OASL: variants seen among roughly 807,000 people sequenced by gnomAD.
OASL encodes 2'-5'-oligoadenylate synthetase like, also known as 2'-5'-oligoadenylate synthase-like protein.
Under a neutral mutation model 35.3 loss-of-function variants are expected in OASL, and 28 were observed. The observed-to-expected ratio is 0.79, with a 90% CI of 0.59 to 1.09. The LOEUF is 1.09. Ranked by LOEUF, OASL falls within the 50% of genes least tolerant of loss-of-function variation. The pLI is 0.00. For missense variants in OASL, 620 were observed against 635.2 expected (o/e 0.98, Z 0.26); for synonymous variants, 252 against 254.6 (o/e 0.99, Z 0.10).
chr12:121,036,302 G>C (rs115946609), intron 1 of OASL, among the ~76,000 whole-genome samples: 1,727 of 152,268 alleles, frequency 0.011, 45 homozygotes, highest in African/African-American at 0.039. Context: ...CCCTTATGTG[G>C]ACCAGCTCCG....
intron 4 of OASL, among the ~76,000 whole-genome samples, chr12:121,027,198 G>A (rs1869523511): frequency 6.6e-6 from 1 of 152,174 alleles, no homozygotes; most frequent in Non-Finnish European, 1.5e-5. Flanking sequence ...CCTGTCTTAT[G>A]GATAAGGGAT....
At chr12:121,030,154 C>T (rs185307374) in intron 3 of OASL, among the ~76,000 whole-genome samples, 176 of 152,288 alleles carry the variant, frequency 1.2e-3, no homozygotes, top group Non-Finnish European at 1.0e-3. Flanking sequence ...AAATTACAGG[C>T]GTGAGCTACC....
chr12:121,039,159 C>A, exon 1 of OASL: 1 of 599,782 alleles, frequency 1.7e-6, no homozygotes, highest in South Asian at 2.0e-5. Context: ...CTTGGAGACA[C>A]CCTTGCTGCA....
In OASL at chr12:121,031,436, C is replaced by G. The variant is rs541505017; in HGVS notation, c.657+6G>C. The stretch of plus-strand genomic sequence containing the variant: ...CTTGCCCCTGCCATCCTGGCAGCCC[C>G]CTCACCTGCTGGTACCAGTGTTTCA... On this transcript the variant is annotated splice_donor_region_variant and intron_variant, in intron 3 of 5. Coordinates refer to ENST00000257570, the Ensembl canonical transcript of OASL. The G allele has an allele frequency of 6.2e-7, 1 of 1,612,554 alleles. No homozygotes were observed. The highest frequency in any genetic ancestry group is 8.5e-7 in the Non-Finnish European group (1 of 1,179,514).
rs1869219447 is a variant in OASL at position 121,021,141 on chromosome 12, C to A, written c.1048-83G>T. 7 of 1,392,898 alleles carry A rather than the reference C, an allele frequency of 5.0e-6. No individual in the cohort carries two copies. The East Asian group carries it at 1.6e-4, about 33-fold the overall frequency. The allele number at this position is 1,392,898 out of a possible 1,614,324, so 86.3% of individuals were successfully genotyped here. The stretch of plus-strand genomic sequence containing the variant: ...AAATGTTCCCTTCATCTGTCCTTAT[C>A]TTTACAATAGTAGCAGCAGCAGCGG... On this transcript the variant is annotated intron_variant, in intron 5 of 5. Coordinates refer to ENST00000257570, the Ensembl canonical transcript of OASL.
At chr12:121,035,099 C>T (rs1869898129) in intron 1 of OASL, among the ~76,000 whole-genome samples, 1 of 152,028 alleles carries the variant, frequency 6.6e-6, no homozygotes, top group African/African-American at 2.4e-5. Context: ...GGAGTCACTG[C>T]ACAAGAATCA....
chr12:121,027,896 A>G (rs1395122227), intron 3 of OASL, 79 bp from the exon 4 acceptor site: 1 of 1,279,310 alleles, frequency 7.8e-7, no homozygotes, highest in Non-Finnish European at 1.1e-6. Context: ...AGAAGCTGAG[A>G]AATCCAAGTT....
chr12:121,036,589 G>C (rs1338303788), intron 1 of OASL, among the ~76,000 whole-genome samples: 2 of 152,058 alleles, frequency 1.3e-5, no homozygotes, highest in African/African-American at 2.4e-5. Context: ...TTCGAGACCA[G>C]CCTGGCCAAC....
At chr12:121,036,155 GC>G (rs966426122) in intron 1 of OASL, among the ~76,000 whole-genome samples, 1 of 152,192 alleles carries the variant, frequency 6.6e-6, no homozygotes, top group African/African-American at 2.4e-5. Flanking sequence ...GAGCCACTGT[GC>G]CTGGCGTAGA....
chr12:121,029,064 G>GAAAAAAAAAAAAAAAA (rs10577200), intron 3 of OASL, among the ~76,000 whole-genome samples: 3 of 105,090 alleles, frequency 2.9e-5, no homozygotes, highest in Non-Finnish European at 5.6e-5. Flanking sequence ...ACTTGTCTCA[G>GAAAAAAAAAAAAAAAA]AAAAAAAAAA....
At chr12:121,033,546 G>A (rs1418557714) in exon 2 of OASL, 3 of 1,614,142 alleles carry the variant, frequency 1.9e-6, no homozygotes, top group Non-Finnish European at 2.5e-6. Flanking sequence ...GAGCATCGGG[G>A]ACTCTCTGCT....
intron 4 of OASL, among the ~76,000 whole-genome samples, chr12:121,027,277 T>C (rs1288929577): frequency 6.9e-6 from 1 of 144,774 alleles, no homozygotes; most frequent in Non-Finnish European, 1.5e-5. Flanking sequence ...TTCTTTCCAT[T>C]TTCCCATGCT....
chr12:121,035,226 C>G (rs1869905297), intron 1 of OASL, among the ~76,000 whole-genome samples: 1 of 152,016 alleles, frequency 6.6e-6, no homozygotes, highest in Non-Finnish European at 1.5e-5. Context: ...CATATTATTC[C>G]TTTTAATCTT....
At chr12:121,023,181 T>C (rs1003153968) in intron 5 of OASL, among the ~76,000 whole-genome samples, 22 of 152,300 alleles carry the variant, frequency 1.4e-4, no homozygotes, top group African/African-American at 4.6e-4. Flanking sequence ...GAGTATCTTG[T>C]CTTCTCTGGT....
chr12:121,023,889 G>A lies in OASL; in HGVS notation c.1047+101C>T. ...CTGGCCCTTAAACGGTGACTCTAAA[G>A]TTCTGTTCTCCATCAACACAGAACT... On this transcript the variant is annotated intron_variant, in intron 5 of 5. Transcript: ENST00000257570. The A allele has an allele frequency of 2.1e-6, 3 of 1,431,544 alleles. No homozygotes were observed. In the South Asian group the frequency reaches 4.0e-5, roughly 19 times the overall value. The allele number at this position is 1,431,544 out of a possible 1,614,324, so 88.7% of individuals were successfully genotyped here.
At chr12:121,022,124 G>T (rs1450367182) in intron 5 of OASL, among the ~76,000 whole-genome samples, 2 of 122,862 alleles carry the variant, frequency 1.6e-5, no homozygotes, top group Non-Finnish European at 3.2e-5. Flanking sequence ...ATCTCACTCT[G>T]TTGCCAGGCT....
At chr12:121,022,456 G>C (rs1869285708) in intron 5 of OASL, among the ~76,000 whole-genome samples, 1 of 152,188 alleles carries the variant, frequency 6.6e-6, no homozygotes, top group South Asian at 2.1e-4. Flanking sequence ...TTGGGCTCAA[G>C]GGATCCACCC....
intron 4 of OASL, among the ~76,000 whole-genome samples, chr12:121,024,609 C>A (rs1411632395): frequency 6.6e-6 from 1 of 150,904 alleles, no homozygotes; most frequent in Non-Finnish European, 1.5e-5. Flanking sequence ...CCGAGTGAGA[C>A]TGTCTCAAAA....
rs1186961225 is a variant in OASL, at chr12:121,027,795, C to G, written c.680G>C (p.Arg227Thr). The change falls in exon 4 of 6, where the codon AGA (arginine) becomes ACA (threonine). Residue 227 changes from arginine to threonine, a missense_variant. Arg to Thr is a moderately conservative substitution (Grantham distance 71, BLOSUM62 -1). Coordinates refer to ENST00000257570, the Ensembl canonical transcript of OASL. ...AGCATAGAGAGGGGGCAGATTGGCTCTGGGGGACCTGGCTTTCACATACTG... is the reference window on the plus strand; with the variant it reads ...AGCATAGAGAGGGGGCAGATTGGCTGTGGGGGACCTGGCTTTCACATACTG... 3 of 1,613,862 alleles carry G rather than the reference C, an allele frequency of 1.9e-6. No individual in the cohort carries two copies. The African/African-American group carries it at 4.0e-5, about 22-fold the overall frequency.
Sources: gnomAD v4.1 joint callset for allele counts (sites outside exome capture counted in the v4.1 genomes callset) on GRCh38, gnomAD v4.1.1 for gene constraint, MANE v1.5 for transcripts, NCBI Gene and HGNC (gene_info 2026-07-23, HGNC 2026-07-21) for gene names.